Variants in ABLIM1 observed in about 807,000 individuals in gnomAD.
ABLIM1 encodes the protein actin binding LIM protein 1, also known as actin-binding LIM protein 1.
ABLIM1 carries 40 observed loss-of-function variants against 107.0 expected under a neutral mutation model. The ratio of observed to expected loss-of-function variants is 0.37; its 90% CI spans 0.29 to 0.49. The LOEUF is 0.49. ABLIM1 is among the 20% of genes least tolerant of loss of function. The probability of loss-of-function intolerance (pLI) is 0.97; values close to 1 mark genes in which losing one functional copy is unlikely to be tolerated. For synonymous variants in ABLIM1, 357 were observed against 357.3 expected, an observed-to-expected ratio of 1.00 and a Z score of 0.01; for missense variants, 857 against 1,008.5, an observed-to-expected ratio of 0.85 and a Z score of 2.04.
At chr10:114,500,731 AGGAAGGGAAGGGAAGGGAAGGGAAG>A (rs869259042) in intron 6 of ABLIM1, among the ~76,000 whole-genome samples, 45 of 73,046 alleles carry the variant, frequency 6.2e-4, no homozygotes, top group African/African-American at 2.6e-3. Flanking sequence ...AGGAAGGGAA[AGGAAGGGAAGGGAAGGGAAGGGAAG>A]GGAAGGGAAG....
intron 4 of ABLIM1, among the ~76,000 whole-genome samples, chr10:114,556,817 A>G (rs910630311): frequency 6.6e-6 from 1 of 152,198 alleles, no homozygotes; most frequent in African/African-American, 2.4e-5. Flanking sequence ...TTTTTTATTT[A>G]AAGCAAGTCA....
intron 12 of ABLIM1, 95 bp downstream of exon 12, chr10:114,465,603 G>C (rs1258838103): frequency 1.4e-6 from 2 of 1,468,646 alleles, no homozygotes; most frequent in African/African-American, 1.4e-5. Flanking sequence ...GAAATGTTTA[G>C]TCGTTGATTT....
At chr10:114,601,784 G>T (rs368763103) in intron 2 of ABLIM1, 43 bp downstream of exon 2, 17 of 1,613,864 alleles carry the variant, frequency 1.1e-5, no homozygotes, top group Non-Finnish European at 1.4e-5. Flanking sequence ...GGCAAGCCCC[G>T]ACCATGGCAT....
chr10:114,491,036 A>T (rs1252774353), intron 7 of ABLIM1, among the ~76,000 whole-genome samples: 1 of 139,634 alleles, frequency 7.2e-6, no homozygotes, highest in African/African-American at 2.7e-5. Context: ...GGTCTATTTT[A>T]TATATATATA....
intron 6 of ABLIM1, among the ~76,000 whole-genome samples, chr10:114,541,552 C>T (rs2066657908): frequency 6.6e-6 from 1 of 152,118 alleles, no homozygotes; most frequent in African/African-American, 2.4e-5. Context: ...CAAGCTGTCA[C>T]ACGTCAGTGT....
chr10:114,468,229 AAG>A lies in ABLIM1; in HGVS notation c.1276-15_1276-14del. ...AAGTCCTCGGAGACTAGAAAAATAA[AAG>A]AGAATTTAAAGTCACAATGTTTGTT... On this transcript the variant is annotated splice_polypyrimidine_tract_variant and intron_variant, in intron 10 of 22. Coordinates refer to ENST00000533213, the MANE Select transcript of ABLIM1 (RefSeq NM_002313.7). The A allele has an allele frequency of 1.2e-6, 2 of 1,611,266 alleles. No individual in the cohort carries two copies. Among genetic ancestry groups the A allele is most frequent in the South Asian group, 1.1e-5 (1 of 91,016 alleles).
In ABLIM1 at chr10:114,579,981, C is replaced by T. The variant is rs116647033; in HGVS notation, c.380-4382G>A. 2.0e-3 allele frequency among the ~76,000 whole-genome samples: 299 copies of T among 152,172 alleles called. 2 individuals are homozygous for T. The highest frequency in any genetic ancestry group is 6.8e-3 in the African/African-American group (282 of 41,524). Reference sequence around the variant, plus strand: ...ATTTCATTATCCGGGGAGACTAGATCGGTGTTGGACAAGCCCTTTCCTATT... The same window carrying T: ...ATTTCATTATCCGGGGAGACTAGATTGGTGTTGGACAAGCCCTTTCCTATT... On this transcript the variant is annotated intron_variant, in intron 2 of 22. Coordinates refer to ENST00000533213, the MANE Select transcript of ABLIM1 (RefSeq NM_002313.7).
At chr10:114,799,028 G>C in the ABLIM1 span, among the ~76,000 whole-genome samples, 1 of 152,016 alleles carries the variant, frequency 6.6e-6, no homozygotes, top group South Asian at 2.1e-4. Flanking sequence ...TCAATCTTTT[G>C]ACCTCATGAT....
Position 114,431,365 on chromosome 10 carries a change from C to T in ABLIM1, c.*4895G>A, listed in dbSNP as rs2058840429. On this transcript the variant is annotated 3_prime_UTR_variant, in exon 23 of 23. Coordinates refer to ENST00000533213, the MANE Select transcript of ABLIM1 (RefSeq NM_002313.7). ...GCTTTTCAAAAGGAATTCTTCTAAACATTTGCTTTCATATTTCCAAAAGGG... is the reference window on the plus strand; with the variant it reads ...GCTTTTCAAAAGGAATTCTTCTAAATATTTGCTTTCATATTTCCAAAAGGG... 1 of 152,170 alleles carries T rather than the reference C, an allele frequency of 6.6e-6. No individual in the cohort carries two copies. Among genetic ancestry groups the T allele is most frequent in the Non-Finnish European group, 1.5e-5 (1 of 68,034 alleles). 9.4% of individuals were successfully genotyped at this position (152,170 alleles called of 1,614,324 possible).
intron 6 of ABLIM1, chr10:114,502,043 G>C (rs1023395532): frequency 6.5e-6 from 1 of 153,720 alleles, no homozygotes; most frequent in Non-Finnish European, 1.5e-5. Context: ...ATGGGATGCT[G>C]TGATCCTGAA....
At position 114,629,637 on chromosome 10, in the gene ABLIM1, G is replaced by T. The variant is rs542529300; in HGVS notation, c.245-27676C>A. ...AATTGTGGTCTCTCATCCACTACAT[G>T]GTGTGACGAGACACAGAGAATGAGT... On this transcript the variant is annotated intron_variant, in intron 1 of 22. Coordinates refer to ENST00000533213, the MANE Select transcript of ABLIM1 (RefSeq NM_002313.7). The surrounding 1 kb of genome is among the most constrained non-coding windows in gnomAD (Gnocchi z 4.0). Among the ~76,000 whole-genome samples the T allele has an allele frequency of 2.6e-5, 4 of 152,234 alleles. No individual in the cohort carries two copies. The East Asian group carries it at 7.7e-4, about 29-fold the overall frequency.
intron 14 of ABLIM1, among the ~76,000 whole-genome samples, chr10:114,448,529 T>G (rs2061386075): frequency 6.6e-6 from 1 of 152,168 alleles, no homozygotes; most frequent in African/African-American, 2.4e-5. Context: ...TGACTGTAGT[T>G]GTTAATCATT....
At chr10:114,554,211 C>G (rs1036462804) in intron 4 of ABLIM1, among the ~76,000 whole-genome samples, 1 of 152,152 alleles carries the variant, frequency 6.6e-6, no homozygotes, top group African/African-American at 2.4e-5. Context: ...CTCCCCACCC[C>G]CTGTCCAAAA....
intron 14 of ABLIM1, 100 bp downstream of exon 14, chr10:114,451,524 C>G: frequency 8.9e-7 from 1 of 1,118,640 alleles, no homozygotes; most frequent in Non-Finnish European, 1.4e-6. Context: ...CCCAGTTTTA[C>G]TCTCAAAAGC....
At position 114,571,347 on chromosome 10, in the gene ABLIM1, A is replaced by G; in HGVS notation, c.623T>C (p.Leu208Pro). The change falls in exon 4 of 23, where the codon CTC (leucine) becomes CCC (proline). Residue 208 changes from leucine to proline, a missense_variant. By Grantham distance (98) the Leu-to-Pro change is moderately conservative. This residue lies in a region of ABLIM1 where 381 missense variants were observed against 506.9 expected (regional missense o/e 0.75). Transcript: ENST00000533213. ...TFNGRDCLCQ[L>P]CAQPMSSSPK... The stretch of plus-strand genomic sequence containing the variant: ...ACTGGACGACATCGGCTGTGCACAG[A>G]GTTGACAAAGGCAGTCTCTCCCATT... 1 of 1,614,210 alleles carries G rather than the reference A, an allele frequency of 6.2e-7. No individual in the cohort carries two copies. The highest frequency in any genetic ancestry group is 1.3e-5 in the African/African-American group (1 of 75,042).
intron 4 of ABLIM1, among the ~76,000 whole-genome samples, chr10:114,558,902 A>T (rs2069178698): frequency 2.0e-5 from 3 of 148,608 alleles, no homozygotes; most frequent in African/African-American, 2.6e-5. Flanking sequence ...AGGGAGAACT[A>T]GTGTGTGTGT....
At chr10:114,444,195 T>G (rs1224623864) in intron 16 of ABLIM1, 61 bp from the exon 17 acceptor site, 8 of 1,393,340 alleles carry the variant, frequency 5.7e-6, no homozygotes, top group South Asian at 1.4e-5. Flanking sequence ...ATTACTTTCA[T>G]GGAGCTGCAG....
chr10:114,433,645 G>C lies in ABLIM1; in HGVS notation c.*2615C>G, dbSNP rs1015735431. ...ATACAAGGAAAGCAGGGTTTCATTA[G>C]TGGGAGCTGATTTAGGGTTCAGTTC... On this transcript the variant is annotated 3_prime_UTR_variant, in exon 23 of 23. Coordinates refer to ENST00000533213, the MANE Select transcript of ABLIM1 (RefSeq NM_002313.7). 1 of 152,224 alleles carries C rather than the reference G, an allele frequency of 6.6e-6. No individual in the cohort carries two copies. Among genetic ancestry groups the C allele is most frequent in the African/African-American group, 2.4e-5 (1 of 41,456 alleles). 9.4% of individuals were successfully genotyped at this position (152,224 alleles called of 1,614,324 possible). A position where few individuals can be genotyped will look rare whatever the true frequency, so the allele number is the denominator to read the frequency against.
rs185177538 is a variant in ABLIM1 at position 114,468,477 on chromosome 10, C to T, written c.1276-261G>A. ...TTTTAGTAGAGATGGGGTTTCACTG[C>T]GTTAGTCAGGATGGTCTCTATCTTC... is the stretch of plus-strand genomic sequence containing the variant. On this transcript the variant is annotated intron_variant, in intron 10 of 22. Coordinates refer to ENST00000533213, the MANE Select transcript of ABLIM1 (RefSeq NM_002313.7). Among the ~76,000 whole-genome samples, 193 of 152,088 alleles carry T rather than the reference C, an allele frequency of 1.3e-3. 1 individual carries two copies. Among genetic ancestry groups the T allele is most frequent in the African/African-American group, 4.3e-3 (180 of 41,522 alleles).
Sources: gnomAD v4.1 joint callset for allele counts (sites outside exome capture counted in the v4.1 genomes callset) on GRCh38, gnomAD v4.1.1 for gene constraint, gnomAD v4.1.1 regional missense constraint, Gnocchi (gnomAD v3.1) non-coding constraint, MANE v1.5 for transcripts, NCBI Gene and HGNC (gene_info 2026-07-23, HGNC 2026-07-21) for gene names.